Variants in ANKS1B observed in about 807,000 individuals in gnomAD.
ANKS1B encodes ankyrin repeat and sterile alpha motif domain-containing protein 1B.
ANKS1B carries 36 observed loss-of-function variants against 148.3 expected under a neutral mutation model. The ratio of observed to expected loss-of-function variants is 0.24; its 90% CI spans 0.19 to 0.32. The LOEUF (loss-of-function observed/expected upper bound fraction) is 0.32, where lower values mean the gene tolerates loss of function less well. ANKS1B is among the 10% of genes least tolerant of loss of function. ANKS1B has a pLI of 1.00. For missense variants in ANKS1B, 1,157 were observed against 1,542.6 expected (o/e 0.75, Z 4.19); for synonymous variants, 542 against 560.8 (o/e 0.97, Z 0.47).
intron 11 of ANKS1B, among the ~76,000 whole-genome samples, chr12:99,420,700 T>G (rs1394998600): frequency 6.6e-6 from 1 of 152,124 alleles, no homozygotes; most frequent in Non-Finnish European, 1.5e-5. Flanking sequence ...ATAAAGCAAG[T>G]GTTAAAAAAT....
At chr12:99,954,266 C>T (rs2095278470) in intron 1 of ANKS1B, among the ~76,000 whole-genome samples, 1 of 152,164 alleles carries the variant, frequency 6.6e-6, no homozygotes, top group South Asian at 2.1e-4. Flanking sequence ...AATAAATCTT[C>T]AATCCAGTTC....
intron 14 of ANKS1B, among the ~76,000 whole-genome samples, chr12:99,236,420 A>G (rs1031734263): frequency 6.6e-6 from 1 of 152,192 alleles, no homozygotes; most frequent in African/African-American, 2.4e-5. Context: ...GCAAAGGGGA[A>G]GCAAGGCACA....
chr12:99,258,083 C>T (rs1436345970), intron 12 of ANKS1B, among the ~76,000 whole-genome samples: 1 of 152,112 alleles, frequency 6.6e-6, no homozygotes, highest in African/African-American at 2.4e-5. Context: ...TAAAAATGTA[C>T]ATTTGTGACA....
intron 10 of ANKS1B, among the ~76,000 whole-genome samples, chr12:99,468,366 G>A (rs1241182901): frequency 6.6e-6 from 1 of 152,116 alleles, no homozygotes; most frequent in Non-Finnish European, 1.5e-5. Flanking sequence ...TACCATTCAG[G>A]ACATAGGCAT....
chr12:98,975,034 CTTTT>C (rs1176687208), intron 17 of ANKS1B, among the ~76,000 whole-genome samples: 2 of 123,248 alleles, frequency 1.6e-5, no homozygotes, highest in Non-Finnish European at 3.4e-5. Context: ...CCCTTCCTTC[CTTTT>C]CCTTCCTTCC....
chr12:99,208,643 C>T (rs1289855323), intron 14 of ANKS1B, among the ~76,000 whole-genome samples: 1 of 152,102 alleles, frequency 6.6e-6, no homozygotes, highest in Non-Finnish European at 1.5e-5. Flanking sequence ...TACCATTGGA[C>T]TGGGTGAGAA....
At chr12:99,675,477 G>T (rs1305064311) in intron 8 of ANKS1B, among the ~76,000 whole-genome samples, 1 of 151,546 alleles carries the variant, frequency 6.6e-6, no homozygotes, top group Non-Finnish European at 1.5e-5. Context: ...ATAAACCCTA[G>T]GAGGATAAAT....
chr12:99,560,872 AGT>A (rs1279086190), intron 9 of ANKS1B, among the ~76,000 whole-genome samples: 2 of 106,826 alleles, frequency 1.9e-5, no homozygotes, highest in East Asian at 6.5e-4. Flanking sequence ...TTTGAGACGG[AGT>A]CTCACACTCT....
At chr12:99,693,241 A>T (rs2053393597) in intron 8 of ANKS1B, among the ~76,000 whole-genome samples, 1 of 152,242 alleles carries the variant, frequency 6.6e-6, no homozygotes, top group African/African-American at 2.4e-5. Context: ...AAAATACATT[A>T]GGTCAGAGAA....
At chr12:99,427,363 G>T (rs894668900) in intron 11 of ANKS1B, among the ~76,000 whole-genome samples, 2 of 152,088 alleles carry the variant, frequency 1.3e-5, no homozygotes, top group Non-Finnish European at 2.9e-5. Context: ...CTGTTCCTCT[G>T]CTCCAAGTTC....
intron 12 of ANKS1B, among the ~76,000 whole-genome samples, chr12:99,354,751 T>C (rs976319985): frequency 4.6e-5 from 7 of 152,050 alleles, no homozygotes; most frequent in African/African-American, 1.4e-4. Flanking sequence ...AAGTAAAGGA[T>C]AGGAGACCTG....
intron 20 of ANKS1B, among the ~76,000 whole-genome samples, chr12:98,804,945 A>C (rs2099038610): frequency 6.6e-6 from 1 of 152,214 alleles, no homozygotes; most frequent in Non-Finnish European, 1.5e-5. Context: ...ATAATGGTTT[A>C]TAATCAAAGC....
At chr12:99,188,770 A>G (rs1334613998) in intron 14 of ANKS1B, among the ~76,000 whole-genome samples, 1 of 152,202 alleles carries the variant, frequency 6.6e-6, no homozygotes, top group Non-Finnish European at 1.5e-5. Context: ...ATACCCTAAC[A>G]TCACAATTAA....
chr12:99,400,220 G>A lies in ANKS1B; in HGVS notation c.1576-409C>T, dbSNP rs890259089. 8.9e-5 allele frequency among the ~76,000 whole-genome samples: 10 copies of A among 112,074 alleles called. 3 individuals carry two copies. Among genetic ancestry groups the A allele is most frequent in the African/African-American group, 3.8e-4 (10 of 26,522 alleles). 73.5% of individuals were successfully genotyped at this position (112,074 alleles called of 152,430 possible). A position where few individuals can be genotyped will look rare whatever the true frequency, so the allele number is the denominator to read the frequency against. The stretch of plus-strand genomic sequence containing the variant: ...AATAATAAAAGGGCCTTACAACATA[G>A]AAGAATAATTAAGGCAGTTCCATTT... On this transcript the variant is annotated intron_variant, in intron 11 of 26. Transcript: ENST00000683438.
chr12:99,361,230 C>A (rs976688009), intron 12 of ANKS1B, among the ~76,000 whole-genome samples: 1 of 151,832 alleles, frequency 6.6e-6, no homozygotes, highest in Non-Finnish European at 1.5e-5. Context: ...ATCACATGTA[C>A]CCCCATAAAT....
chr12:99,577,483 T>G (rs1485033465), intron 9 of ANKS1B, among the ~76,000 whole-genome samples: 1 of 151,226 alleles, frequency 6.6e-6, no homozygotes, highest in Non-Finnish European at 1.5e-5. Context: ...GACTGCTGGA[T>G]AGATTAATTA....
intron 9 of ANKS1B, among the ~76,000 whole-genome samples, chr12:99,629,566 C>G (rs1187022159): frequency 6.6e-6 from 1 of 152,088 alleles, no homozygotes; most frequent in Non-Finnish European, 1.5e-5. Flanking sequence ...GATGTAAGTG[C>G]TGTTACTATC....
intron 16 of ANKS1B, among the ~76,000 whole-genome samples, chr12:99,061,129 C>T (rs951163737): frequency 3.9e-5 from 6 of 152,134 alleles, no homozygotes; most frequent in African/African-American, 7.2e-5. Context: ...TCATGCCTGC[C>T]GGACTAGAGA....
intron 25 of ANKS1B, among the ~76,000 whole-genome samples, chr12:98,760,586 T>C (rs2098383139): frequency 6.6e-6 from 1 of 152,204 alleles, no homozygotes; most frequent in Non-Finnish European, 1.5e-5. Context: ...TCTCTGCAGG[T>C]GCTGTCATGG....
Sources: allele counts gnomAD v4.1 joint callset (sites outside exome capture counted in the v4.1 genomes callset), GRCh38; gene constraint gnomAD v4.1.1; transcripts MANE v1.5; gene names NCBI Gene and HGNC (gene_info 2026-07-23, HGNC 2026-07-21).